NTM: variants seen among roughly 807,000 people sequenced by gnomAD.
NTM encodes the protein IgLON family member 2.
Under a neutral mutation model 42.1 loss-of-function variants are expected in NTM, and 13 were observed. That is an observed-to-expected ratio of 0.31 (90% CI 0.20 to 0.49). The LOEUF (loss-of-function observed/expected upper bound fraction) is 0.49, where lower values mean the gene tolerates loss of function less well. NTM is among the 20% of genes least tolerant of loss of function. The probability of loss-of-function intolerance (pLI) is 0.99; values close to 1 mark genes in which losing one functional copy is unlikely to be tolerated. For missense variants in NTM, 373 were observed against 452.8 expected (o/e 0.82, Z 1.60); for synonymous variants, 187 against 179.2 (o/e 1.04, Z -0.35).
chr11:131,861,370 G>A (rs941306155), intron 1 of NTM, among the ~76,000 whole-genome samples: 1 of 152,210 alleles, frequency 6.6e-6, no homozygotes, highest in East Asian at 1.9e-4. Context: ...GGCTTGGGTG[G>A]CCCCTCCCCC....
chr11:132,058,337 C>T (rs2080053391), intron 2 of NTM, among the ~76,000 whole-genome samples: 1 of 152,132 alleles, frequency 6.6e-6, no homozygotes, highest in Admixed American at 6.5e-5. Flanking sequence ...GTGCTCTGGT[C>T]CTGGCTGTGG....
intron 1 of NTM, among the ~76,000 whole-genome samples, chr11:131,440,307 C>T (rs7940469): frequency 0.43 from 65,453 of 151,950 alleles, 14,622 homozygotes; most frequent in Non-Finnish European, 0.5. Context: ...GGAAGCTCTA[C>T]ACATAAGTTT....
chr11:131,751,905 G>A lies in NTM; in HGVS notation c.83-159659G>A, dbSNP rs189046851. 2.9e-4 allele frequency among the ~76,000 whole-genome samples: 44 copies of A among 152,186 alleles called. No homozygotes were observed. The East Asian group carries it at 8.5e-3, about 29-fold the overall frequency. On this transcript the variant is annotated intron_variant, in intron 1 of 8. Coordinates refer to ENST00000683400, the MANE Select transcript of NTM (RefSeq NM_001352005.2). ...TATCTGTGACTTATATCTGTGACTTGCCATTTTAGACTCAGTGGCTGTAGT... is the reference window on the plus strand; with the variant it reads ...TATCTGTGACTTATATCTGTGACTTACCATTTTAGACTCAGTGGCTGTAGT...
chr11:132,208,517 G>A (rs953541978), intron 3 of NTM, among the ~76,000 whole-genome samples: 2 of 152,080 alleles, frequency 1.3e-5, no homozygotes, highest in Non-Finnish European at 2.9e-5. Flanking sequence ...ATTAGTGGGG[G>A]GAGACAATTC....
chr11:132,207,185 C>A (rs1314903394), intron 3 of NTM, among the ~76,000 whole-genome samples: 4 of 152,192 alleles, frequency 2.6e-5, no homozygotes, highest in Non-Finnish European at 5.9e-5. Flanking sequence ...AGGAGGTGAG[C>A]AGCTGGTGGG....
At chr11:131,513,845 G>A (rs889347332) in intron 1 of NTM, among the ~76,000 whole-genome samples, 1 of 152,142 alleles carries the variant, frequency 6.6e-6, no homozygotes, top group Non-Finnish European at 1.5e-5. Context: ...AGGCCCCGAG[G>A]TTAAGTTTTA....
chr11:131,581,479 T>G (rs779238635), intron 1 of NTM, among the ~76,000 whole-genome samples: 10 of 152,204 alleles, frequency 6.6e-5, no homozygotes, highest in Admixed American at 4.6e-4. Flanking sequence ...AAATGAGTGT[T>G]CCTATGAGCT....
At chr11:131,933,902 A>C (rs1271414485) in intron 2 of NTM, among the ~76,000 whole-genome samples, 1 of 151,686 alleles carries the variant, frequency 6.6e-6, no homozygotes, top group South Asian at 2.1e-4. Flanking sequence ...GTTGTTTTAC[A>C]AAGTGCCCTA....
intron 1 of NTM, among the ~76,000 whole-genome samples, chr11:131,776,297 TTC>T (rs1310302861): frequency 2.0e-5 from 3 of 152,202 alleles, no homozygotes; most frequent in African/African-American, 7.2e-5. Flanking sequence ...TTAATTCTGT[TTC>T]TTTTTGTGTG....
intron 7 of NTM, among the ~76,000 whole-genome samples, chr11:132,323,295 A>G (rs1592033568): frequency 6.6e-6 from 1 of 152,088 alleles, no homozygotes; most frequent in East Asian, 1.9e-4. Flanking sequence ...AGACTAATAA[A>G]GAAAAAAAGA....
chr11:131,430,721 A>T (rs1948577847), intron 1 of NTM, among the ~76,000 whole-genome samples: 1 of 152,220 alleles, frequency 6.6e-6, no homozygotes, highest in South Asian at 2.1e-4. Flanking sequence ...ACAGCACTCC[A>T]GCAGGGCTGA....
chr11:131,702,646 T>A (rs557816346), intron 1 of NTM, among the ~76,000 whole-genome samples: 1 of 152,324 alleles, frequency 6.6e-6, no homozygotes, highest in African/African-American at 2.4e-5. Context: ...GATTAAATAC[T>A]ATTGAGATAC....
chr11:132,163,510 C>T (rs927225543), intron 3 of NTM, among the ~76,000 whole-genome samples: 11 of 152,296 alleles, frequency 7.2e-5, no homozygotes, highest in Non-Finnish European at 1.6e-4. Context: ...TTCAAACAGC[C>T]CTGTGCGATA....
chr11:131,778,464 G>A (rs1036282314), intron 1 of NTM, among the ~76,000 whole-genome samples: 9 of 152,154 alleles, frequency 5.9e-5, no homozygotes. Flanking sequence ...ACCATTCAAA[G>A]CCTGAGGATT....
intron 2 of NTM, among the ~76,000 whole-genome samples, chr11:131,970,632 T>C (rs2063407829): frequency 6.6e-6 from 1 of 152,236 alleles, no homozygotes; most frequent in South Asian, 2.1e-4. Flanking sequence ...ATTCCCAGGC[T>C]TATGCCAGTT....
intron 2 of NTM, among the ~76,000 whole-genome samples, chr11:132,109,978 C>T (rs554575645): frequency 6.6e-6 from 1 of 152,338 alleles, no homozygotes; most frequent in Admixed American, 6.5e-5. Flanking sequence ...CTCCTGCTTA[C>T]CATTTGGGTT....
intron 2 of NTM, among the ~76,000 whole-genome samples, chr11:132,118,233 C>T (rs2064185546): frequency 6.6e-6 from 1 of 151,962 alleles, no homozygotes; most frequent in African/African-American, 2.4e-5. Context: ...AACTGAAAGA[C>T]CAGCTGATTC....
intron 4 of NTM, among the ~76,000 whole-genome samples, chr11:132,250,277 C>G (rs1431364562): frequency 6.6e-6 from 1 of 152,186 alleles, no homozygotes; most frequent in Non-Finnish European, 1.5e-5. Context: ...TTCTGCCCAA[C>G]CTCCAACAAC....
At chr11:131,852,893 TCCACCCACCCATCCATCCATCCATCCAC>T (rs1407343350) in intron 1 of NTM, among the ~76,000 whole-genome samples, 10 of 145,550 alleles carry the variant, frequency 6.9e-5, no homozygotes, top group Non-Finnish European at 1.4e-4. Flanking sequence ...CATCCATCCA[TCCACCCACCCATCCATCCATCCATCCAC>T]CCACCCATCC....
Sources: allele counts gnomAD v4.1 joint callset (sites outside exome capture counted in the v4.1 genomes callset), GRCh38; gene constraint gnomAD v4.1.1; transcripts MANE v1.5; gene names NCBI Gene and HGNC (gene_info 2026-07-23, HGNC 2026-07-21).